The following ZFYVE28 variants were observed in gnomAD, a reference collection of about 807,000 sequenced individuals.
ZFYVE28 encodes zinc finger FYVE-type containing 28.
Under a neutral mutation model 82.1 loss-of-function variants are expected in ZFYVE28, and 40 were observed. The observed-to-expected ratio is 0.49, with a 90% CI of 0.38 to 0.63. The LOEUF (loss-of-function observed/expected upper bound fraction) is 0.63, where lower values mean the gene tolerates loss of function less well. Ranked by LOEUF, ZFYVE28 falls within the 30% of genes least tolerant of loss-of-function variation. ZFYVE28 has a pLI of 0.00. For missense variants in ZFYVE28, 1,321 were observed against 1,242.1 expected (o/e 1.06, Z -0.96); for synonymous variants, 612 against 546.1 (o/e 1.12, Z -1.68).
At chr4:2,403,453 G>A (rs1174868241) in intron 1 of ZFYVE28, among the ~76,000 whole-genome samples, 2 of 152,248 alleles carry the variant, frequency 1.3e-5, no homozygotes, top group African/African-American at 4.8e-5. Context: ...ATCGTGGCGG[G>A]AGGACATAGC....
chr4:2,317,819 G>C (rs11729352), intron 7 of ZFYVE28, among the ~76,000 whole-genome samples: 13,399 of 152,130 alleles, frequency 0.088, 793 homozygotes, highest in Middle Eastern at 0.15. Context: ...TTTTAGTAGA[G>C]ACAGGGTTTC....
chr4:2,355,725 A>G (rs764936037), intron 1 of ZFYVE28, among the ~76,000 whole-genome samples: 2 of 152,108 alleles, frequency 1.3e-5, no homozygotes, highest in African/African-American at 4.8e-5. Flanking sequence ...CTATAGGCAC[A>G]CATCACTATA....
chr4:2,275,616 A>G (rs1736352545), intron 8 of ZFYVE28, among the ~76,000 whole-genome samples: 1 of 152,182 alleles, frequency 6.6e-6, no homozygotes, highest in Non-Finnish European at 1.5e-5. Flanking sequence ...CCTTGCCCCA[A>G]ATGTTCGGGG....
At chr4:2,376,100 CTT>C (rs1394886434) in intron 1 of ZFYVE28, among the ~76,000 whole-genome samples, 2 of 152,036 alleles carry the variant, frequency 1.3e-5, no homozygotes, top group East Asian at 3.9e-4. Context: ...GTCTCAATCT[CTT>C]GACTTCGTGA....
At chr4:2,359,895 A>C (rs926354014) in intron 1 of ZFYVE28, among the ~76,000 whole-genome samples, 3 of 152,136 alleles carry the variant, frequency 2.0e-5, no homozygotes, top group Non-Finnish European at 1.5e-5. Context: ...AACTCTGAGG[A>C]AGCTGCTCTT....
At chr4:2,354,374 G>T (rs1343630432) in intron 1 of ZFYVE28, among the ~76,000 whole-genome samples, 1 of 152,136 alleles carries the variant, frequency 6.6e-6, no homozygotes, top group Non-Finnish European at 1.5e-5. Flanking sequence ...CGCTCCCTCT[G>T]GTGGAGAGCC....
At chr4:2,402,712 G>C (rs1731332439) in intron 1 of ZFYVE28, among the ~76,000 whole-genome samples, 1 of 152,324 alleles carries the variant, frequency 6.6e-6, no homozygotes, top group Admixed American at 6.5e-5. Flanking sequence ...CGTAGCAGCT[G>C]TACCAGACTA....
intron 1 of ZFYVE28, among the ~76,000 whole-genome samples, chr4:2,373,386 C>A (rs1024252457): frequency 2.0e-5 from 3 of 151,936 alleles, no homozygotes; most frequent in Admixed American, 6.6e-5. Flanking sequence ...GTAGTCCCAG[C>A]TACTCGGGAG....
intron 8 of ZFYVE28, among the ~76,000 whole-genome samples, chr4:2,281,232 G>C (rs1711927436): frequency 2.0e-5 from 3 of 152,188 alleles, no homozygotes; most frequent in South Asian, 2.1e-4. Flanking sequence ...GCTTGGAAGG[G>C]CCAAAGGGAA....
At chr4:2,297,341 A>G (rs1281460895) in intron 8 of ZFYVE28, among the ~76,000 whole-genome samples, 1 of 152,180 alleles carries the variant, frequency 6.6e-6, no homozygotes, top group Non-Finnish European at 1.5e-5. Flanking sequence ...GACCGGCTGC[A>G]GGCTCTCCTC....
chr4:2,404,857 C>CTTTTTTTTTTT (rs11404626), intron 1 of ZFYVE28, among the ~76,000 whole-genome samples: 1 of 110,998 alleles, frequency 9.0e-6, no homozygotes, highest in Non-Finnish European at 1.7e-5. Flanking sequence ...CAGTCTCGCT[C>CTTTTTTTTTTT]TTTTTTTTTT....
chr4:2,299,907 C>T (rs577794480), intron 8 of ZFYVE28, among the ~76,000 whole-genome samples: 21 of 152,032 alleles, frequency 1.4e-4, no homozygotes, highest in Non-Finnish European at 2.6e-4. Context: ...AGTGATTCTC[C>T]TGCTTCAGCC....
rs1733364616 is a variant in ZFYVE28, at chr4:2,418,392, G to A, written c.-69C>T. 2 of 1,172,186 alleles carry A rather than the reference G, an allele frequency of 1.7e-6. No individual in the cohort carries two copies. The highest frequency in any genetic ancestry group is 7.7e-5 in the South Asian group (2 of 25,954). 72.6% of individuals were successfully genotyped at this position (1,172,186 alleles called of 1,614,324 possible). ...CGCAGCGCTGCGCCCGGGCCCGGCT[G>A]AGGCGCGGGGCGGACGCGGAGGCAC... On this transcript the variant is annotated 5_prime_UTR_variant, in exon 1 of 13. Coordinates refer to ENST00000290974, the MANE Select transcript of ZFYVE28 (RefSeq NM_020972.3). This position sits in a 1 kb window ranked among gnomAD's most constrained non-coding sequence, Gnocchi z 4.6.
intron 12 of ZFYVE28, 124 bp from the exon 13 acceptor site, chr4:2,270,980 C>A: frequency 7.1e-7 from 1 of 1,410,714 alleles, no homozygotes; most frequent in East Asian, 2.5e-5. Context: ...CTGCCCAGCC[C>A]CAGCTGCCAG....
rs17132404 is a variant in ZFYVE28 at position 2,282,524 on chromosome 4, T to C, written c.2052-8308A>G. On this transcript the variant is annotated intron_variant, in intron 8 of 12. Transcript: ENST00000290974. ...CATGGAACACGTCTGAATTCAGCAATTGGATAGAGCAGAAGAGGGAAGTTT... is the reference window on the plus strand; with the variant it reads ...CATGGAACACGTCTGAATTCAGCAACTGGATAGAGCAGAAGAGGGAAGTTT... 6.4e-3 allele frequency among the ~76,000 whole-genome samples: 970 copies of C among 152,242 alleles called. 14 individuals are homozygous for C. The highest frequency in any genetic ancestry group is 0.022 in the African/African-American group (897 of 41,528).
intron 1 of ZFYVE28, among the ~76,000 whole-genome samples, chr4:2,403,258 G>A (rs530606793): frequency 3.9e-5 from 6 of 152,318 alleles, no homozygotes; most frequent in East Asian, 1.9e-4. Context: ...CCCCAGCGTC[G>A]GGTCTGCAGA....
In ZFYVE28 at chr4:2,330,666, G is replaced by C. The variant is rs1457668318; in HGVS notation, c.701+5039C>G. On this transcript the variant is annotated intron_variant, in intron 6 of 12. Coordinates refer to ENST00000290974, the MANE Select transcript of ZFYVE28 (RefSeq NM_020972.3). ...AGTGTAGTGGAGGGGCCAGCACCAT[G>C]GAGAGGACAGCATGGCCAAGAGGAC... 6 of 1,427,570 alleles carry C rather than the reference G, an allele frequency of 4.2e-6. No homozygotes were observed. The East Asian group carries it at 1.6e-4, about 37-fold the overall frequency. The allele number at this position is 1,427,570 out of a possible 1,614,324, so 88.4% of individuals were successfully genotyped here.
Position 2,362,895 on chromosome 4 carries a change from T to G in ZFYVE28, c.40-8822A>C, listed in dbSNP as rs993455177. Among the ~76,000 whole-genome samples, 4 of 151,906 alleles carry G rather than the reference T, an allele frequency of 2.6e-5. No individual in the cohort carries two copies. The highest frequency in any genetic ancestry group is 9.7e-5 in the African/African-American group (4 of 41,404). On this transcript the variant is annotated intron_variant, in intron 1 of 12. Transcript: ENST00000290974. The surrounding 1 kb of genome is among the most constrained non-coding windows in gnomAD (Gnocchi z 5.1). The stretch of plus-strand genomic sequence containing the variant: ...CTGCTCACTTCCTGCCTTGGCCTCC[T>G]GCGGACCCCACCCACCCCTGCTCTC...
chr4:2,322,191 G>A (rs1025663624), intron 6 of ZFYVE28, among the ~76,000 whole-genome samples: 2 of 152,256 alleles, frequency 1.3e-5, no homozygotes, highest in South Asian at 2.1e-4. Context: ...CTGAAGTAAC[G>A]GGGTGTGGGG....
Sources: gnomAD v4.1 joint callset for allele counts (sites outside exome capture counted in the v4.1 genomes callset) on GRCh38, gnomAD v4.1.1 for gene constraint, Gnocchi (gnomAD v3.1) non-coding constraint, MANE v1.5 for transcripts, NCBI Gene and HGNC (gene_info 2026-07-23, HGNC 2026-07-21) for gene names.